COMMD1: variants seen among roughly 807,000 people sequenced by gnomAD.
The protein encoded by COMMD1 is COMM domain-containing protein 1.
In COMMD1, 10 loss-of-function variants were observed where a neutral mutation model predicts 17.2. The ratio of observed to expected loss-of-function variants is 0.58; its 90% CI spans 0.36 to 0.99. The LOEUF (loss-of-function observed/expected upper bound fraction) is 0.99. COMMD1 is among the 50% of genes least tolerant of loss of function. The pLI is 0.01. For missense variants in COMMD1, 270 were observed against 231.8 expected (o/e 1.17, Z -1.07); for synonymous variants, 97 against 91.6 (o/e 1.06, Z -0.34).
chr2:62,053,537 A>C (rs950127276), intron 2 of COMMD1, among the ~76,000 whole-genome samples: 2 of 152,230 alleles, frequency 1.3e-5, no homozygotes, highest in Non-Finnish European at 2.9e-5. Context: ...GAAGAGAGCC[A>C]GTTCCTTCTT....
chr2:62,090,140 G>C (rs1671786792), intron 2 of COMMD1, among the ~76,000 whole-genome samples: 1 of 150,314 alleles, frequency 6.7e-6, no homozygotes, highest in East Asian at 1.9e-4. Flanking sequence ...CCATGATCCA[G>C]TTCTTTAATT....
chr2:62,131,057 G>C (rs1368101217), intron 2 of COMMD1, among the ~76,000 whole-genome samples: 3 of 152,162 alleles, frequency 2.0e-5, no homozygotes, highest in Admixed American at 6.5e-5. Flanking sequence ...GTTAGAGCTG[G>C]CTCGGTTTTT....
chr2:62,063,462 T>C (rs1039481972), intron 2 of COMMD1, among the ~76,000 whole-genome samples: 1 of 152,114 alleles, frequency 6.6e-6, no homozygotes, highest in Non-Finnish European at 1.5e-5. Flanking sequence ...AGTGCTGGGA[T>C]TACAGGCGTG....
chr2:61,977,464 G>A (rs1393654771), intron 1 of COMMD1, among the ~76,000 whole-genome samples: 1 of 149,568 alleles, frequency 6.7e-6, no homozygotes, highest in Admixed American at 6.6e-5. Flanking sequence ...GGCTGGTCTC[G>A]AACTCCCAAC....
At chr2:61,888,457 G>A (rs1407899583), upstream of COMMD1, 1 of 1,611,614 alleles carries the variant, frequency 6.2e-7, no homozygotes, top group South Asian at 1.1e-5. Flanking sequence ...TCCCGCGGCC[G>A]CCGGCAGCCC....
chr2:61,994,128 A>G (rs1668680640), intron 1 of COMMD1, among the ~76,000 whole-genome samples: 1 of 152,114 alleles, frequency 6.6e-6, no homozygotes, highest in Admixed American at 6.5e-5. Flanking sequence ...GTGGGATTAC[A>G]GGCACCTGCC....
At chr2:62,014,856 C>T (rs770314199) in intron 2 of COMMD1, among the ~76,000 whole-genome samples, 4 of 151,964 alleles carry the variant, frequency 2.6e-5, no homozygotes, top group Non-Finnish European at 4.4e-5. Flanking sequence ...TGAGCCACTG[C>T]GCCCGGCCAT....
intron 1 of COMMD1, among the ~76,000 whole-genome samples, chr2:61,948,472 A>G (rs184696052): frequency 6.6e-6 from 1 of 152,214 alleles, no homozygotes; most frequent in Non-Finnish European, 1.5e-5. Flanking sequence ...GGGTAATACC[A>G]TCTGGAGGTA....
chr2:61,900,155 G>A (rs757896996), intron 1 of COMMD1, among the ~76,000 whole-genome samples: 1 of 152,202 alleles, frequency 6.6e-6, no homozygotes, highest in Non-Finnish European at 1.5e-5. Flanking sequence ...AAGGAACTTT[G>A]AGTAAGTGGT....
At chr2:62,031,994 T>C (rs1478438881) in intron 2 of COMMD1, among the ~76,000 whole-genome samples, 1 of 152,262 alleles carries the variant, frequency 6.6e-6, no homozygotes, top group Non-Finnish European at 1.5e-5. Context: ...ACCTTGTCTT[T>C]ATATGCCTTT....
chr2:62,112,406 GT>G (rs1367330108), intron 2 of COMMD1, among the ~76,000 whole-genome samples: 3 of 152,140 alleles, frequency 2.0e-5, no homozygotes, highest in African/African-American at 7.2e-5. Flanking sequence ...GAACTTTTTT[GT>G]TTCTCCGGAA....
intron 2 of COMMD1, among the ~76,000 whole-genome samples, chr2:62,074,626 C>T (rs1047503510): frequency 2.0e-5 from 3 of 152,206 alleles, no homozygotes; most frequent in African/African-American, 4.8e-5. Context: ...GGTCTCTGAA[C>T]AGCAGTGTCT....
In COMMD1 at chr2:62,000,992, AC is replaced by A; in HGVS notation, c.462+11del. ...AGGCAAATATGGACAGGTGAGTTAAACTTAAGTCAATTTTCCTTTGTAAACT... is the reference window on the plus strand; with the variant it reads ...AGGCAAATATGGACAGGTGAGTTAAATTAAGTCAATTTTCCTTTGTAAACT... On this transcript the variant is annotated intron_variant, in intron 2 of 2. Coordinates refer to ENST00000311832, the MANE Select transcript of COMMD1 (RefSeq NM_152516.4). The A allele has an allele frequency of 6.2e-7, 1 of 1,610,124 alleles. No individual in the cohort carries two copies. Among genetic ancestry groups the A allele is most frequent in the Non-Finnish European group, 8.5e-7 (1 of 1,179,636 alleles).
At chr2:61,904,135 C>T (rs1366965163), upstream of COMMD1, among the ~76,000 whole-genome samples, 1 of 151,920 alleles carries the variant, frequency 6.6e-6, no homozygotes, top group African/African-American at 2.4e-5. Context: ...CCCAGCCTCC[C>T]GAGTAGCTGG....
At chr2:62,112,994 C>T (rs907277586) in intron 2 of COMMD1, among the ~76,000 whole-genome samples, 6 of 152,134 alleles carry the variant, frequency 3.9e-5, no homozygotes, top group African/African-American at 1.4e-4. Context: ...ATTAAGATCT[C>T]ATGAGTGATG....
intron 1 of COMMD1, among the ~76,000 whole-genome samples, chr2:61,974,143 A>C (rs1671726249): frequency 6.6e-6 from 1 of 152,086 alleles, no homozygotes; most frequent in Non-Finnish European, 1.5e-5. Context: ...AAAATGCAAA[A>C]ATTAACCTGG....
At chr2:61,890,141 G>A (rs757114506) in intron 1 of COMMD1, among the ~76,000 whole-genome samples, 3 of 152,214 alleles carry the variant, frequency 2.0e-5, no homozygotes, top group Admixed American at 1.3e-4. Flanking sequence ...AGTGACAGTT[G>A]CGTGTGGTAG....
At chr2:61,995,146 G>T (rs991633865) in intron 1 of COMMD1, among the ~76,000 whole-genome samples, 2 of 151,902 alleles carry the variant, frequency 1.3e-5, no homozygotes, top group Non-Finnish European at 2.9e-5. Context: ...GGGTTTTGCT[G>T]TGTTTTCCAG....
At chr2:62,073,198 T>C (rs942978534) in intron 2 of COMMD1, among the ~76,000 whole-genome samples, 8 of 152,220 alleles carry the variant, frequency 5.3e-5, no homozygotes, top group Non-Finnish European at 1.2e-4. Context: ...TGCAAAGCCA[T>C]CTTTTGTGGG....
Sources: gnomAD v4.1 joint callset for allele counts (sites outside exome capture counted in the v4.1 genomes callset) on GRCh38, gnomAD v4.1.1 for gene constraint, MANE v1.5 for transcripts, NCBI Gene and HGNC (gene_info 2026-07-23, HGNC 2026-07-21) for gene names.